Variants in ERC1 observed in about 807,000 individuals in gnomAD.
The protein encoded by ERC1 is RAB6 interacting protein 2.
In ERC1, 56 loss-of-function variants were observed where a neutral mutation model predicts 132.0. That is an observed-to-expected ratio of 0.42 (90% CI 0.34 to 0.53). The LOEUF is 0.53. ERC1 is among the 20% of genes least tolerant of loss of function. The pLI, the probability that ERC1 is intolerant of heterozygous loss-of-function variation, is 0.03. For synonymous variants in ERC1, 478 were observed against 476.1 expected (o/e 1.00, Z -0.05); for missense variants, 1,202 against 1,349.9 (o/e 0.89, Z 1.72).
intron 14 of ERC1, among the ~76,000 whole-genome samples, chr12:1,289,499 A>G (rs558077451): frequency 1.4e-4 from 22 of 151,988 alleles, no homozygotes; most frequent in Non-Finnish European, 2.9e-4. Context: ...ATATTTTTTT[A>G]TATTTGTATT....
intron 15 of ERC1, among the ~76,000 whole-genome samples, chr12:1,362,360 G>A (rs1008030699): frequency 4.6e-5 from 7 of 152,058 alleles, no homozygotes; most frequent in African/African-American, 1.4e-4. Context: ...CTGTCCATCC[G>A]ATCTTGGCAC....
rs61758141 is a variant in ERC1, at chr12:1,183,381, A to G, written c.2117A>G (p.Lys706Arg). Residue 706 changes from lysine to arginine, a missense_variant, in exon 11 of 19, where the codon AAG becomes AGG. Transcript: ENST00000360905. ...LKTLEIALEQ[K>R]KEECLKMESQ... Reference sequence around the variant, plus strand: ...ACACTAGAGATTGCTTTGGAGCAGAAGAAGGAGGAGTGTCTGAAAATGGAA... The same window carrying G: ...ACACTAGAGATTGCTTTGGAGCAGAGGAAGGAGGAGTGTCTGAAAATGGAA... The G allele has an allele frequency of 6.3e-7, 1 of 1,591,314 alleles. No individual in the cohort carries two copies. The highest frequency in any genetic ancestry group is 2.2e-5 in the East Asian group (1 of 44,596).
rs141015575 is a variant in ERC1, at chr12:1,479,161, A to G, written c.3214-10932A>G. ...TGGTCTGTGTGTCTGCTCTCGTGCC[A>G]GTGCTATGTGTGTGCATTGCTGCCG... On this transcript the variant is annotated intron_variant, in intron 18 of 18. Transcript: ENST00000360905. Among the ~76,000 whole-genome samples the G allele has an allele frequency of 2.9e-3, 436 of 152,086 alleles. 3 individuals are homozygous for G. Among genetic ancestry groups the G allele is most frequent in the African/African-American group, 0.01 (423 of 41,506 alleles).
chr12:1,339,266 G>A lies in ERC1; in HGVS notation c.2781-32567G>A, dbSNP rs576603943. 2.1e-5 allele frequency among the ~76,000 whole-genome samples: 3 copies of A among 143,758 alleles called. No individual in the cohort carries two copies. The South Asian group carries it at 6.8e-4, about 32-fold the overall frequency. 94.3% of individuals were successfully genotyped at this position (143,758 alleles called of 152,430 possible). On this transcript the variant is annotated intron_variant, in intron 15 of 18. Transcript: ENST00000360905. ...GTGACAGGGTGCTAGCAGGTGCCAG[G>A]GTGCCTGCCCCCATGTAGGCATTCA...
chr12:1,485,195 A>AATTATTAATGAAATTGGGTAT (rs2094185836), intron 18 of ERC1, among the ~76,000 whole-genome samples: 1 of 116,382 alleles, frequency 8.6e-6, no homozygotes, highest in Non-Finnish European at 1.7e-5. Flanking sequence ...GGTCAAGTTT[A>AATTATTAATGAAATTGGGTAT]TATTTCTTTT....
intron 15 of ERC1, among the ~76,000 whole-genome samples, chr12:1,324,253 C>T (rs1311928020): frequency 1.3e-5 from 2 of 152,148 alleles, no homozygotes; most frequent in African/African-American, 4.8e-5. Flanking sequence ...TTAGTCTTCT[C>T]TCGTCATTGG....
chr12:994,864 A>G (rs866185549), intron 1 of ERC1, among the ~76,000 whole-genome samples: 50 of 152,180 alleles, frequency 3.3e-4, no homozygotes, highest in African/African-American at 1.1e-3. Flanking sequence ...TGGGAGGCCA[A>G]GGCGGGCGGA....
At chr12:1,151,616 C>T (rs958015769) in intron 8 of ERC1, among the ~76,000 whole-genome samples, 7 of 152,212 alleles carry the variant, frequency 4.6e-5, no homozygotes, top group Non-Finnish European at 1.0e-4. Context: ...AGGAAACCAT[C>T]CTTTGAGCCA....
At chr12:1,312,857 C>T (rs766764770) in intron 15 of ERC1, among the ~76,000 whole-genome samples, 6 of 152,082 alleles carry the variant, frequency 3.9e-5, no homozygotes, top group Non-Finnish European at 7.3e-5. Context: ...TCTGTCTCTC[C>T]TGCAGCCACT....
intron 12 of ERC1, among the ~76,000 whole-genome samples, chr12:1,196,951 CACACACACACAT>C (rs1453235974): frequency 0.011 from 408 of 35,538 alleles, 20 homozygotes; most frequent in African/African-American, 0.023. Flanking sequence ...CACACACACA[CACACACACACAT>C]ATATATATAT....
chr12:1,180,961 G>A (rs1048937388), intron 9 of ERC1, among the ~76,000 whole-genome samples: 1 of 151,968 alleles, frequency 6.6e-6, no homozygotes, highest in Non-Finnish European at 1.5e-5. Flanking sequence ...ACAAGCATGA[G>A]CCACCATGCC....
At chr12:1,345,537 A>G (rs2084371110) in intron 15 of ERC1, among the ~76,000 whole-genome samples, 1 of 152,162 alleles carries the variant, frequency 6.6e-6, no homozygotes, top group South Asian at 2.1e-4. Flanking sequence ...CAAGTTTAAG[A>G]AAAGAGATAG....
chr12:1,388,429 T>C (rs1488534717), intron 16 of ERC1, among the ~76,000 whole-genome samples: 1 of 151,096 alleles, frequency 6.6e-6, no homozygotes, highest in Non-Finnish European at 1.5e-5. Context: ...GTGGCCAGGG[T>C]TGCTGAAGCA....
chr12:1,031,981 T>C (rs1053839087), intron 2 of ERC1, among the ~76,000 whole-genome samples: 2 of 152,120 alleles, frequency 1.3e-5, no homozygotes, highest in Non-Finnish European at 2.9e-5. Context: ...TCGAACAAGC[T>C]TCTCTGGTGG....
At chr12:1,422,279 A>T in intron 17 of ERC1, among the ~76,000 whole-genome samples, 1 of 152,368 alleles carries the variant, frequency 6.6e-6, no homozygotes, top group Non-Finnish European at 1.5e-5. Flanking sequence ...GAGTCAGGTT[A>T]GATTTTTCTC....
chr12:1,099,593 A>G, intron 3 of ERC1, among the ~76,000 whole-genome samples: 1 of 152,200 alleles, frequency 6.6e-6, no homozygotes, highest in Admixed American at 6.5e-5. Context: ...GTTACTTAAA[A>G]AGTATTTTCA....
chr12:1,350,267 G>A lies in ERC1; in HGVS notation c.2781-21566G>A, dbSNP rs572619348. On this transcript the variant is annotated intron_variant, in intron 15 of 18. Coordinates refer to ENST00000360905, the MANE Select transcript of ERC1 (RefSeq NM_178040.4). ...TTAAAAGAACAGGCCTGGGGCAGGC[G>A]GAGGCCAGCACTGAGACACAGTGGT... Among the ~76,000 whole-genome samples the A allele has an allele frequency of 5.2e-4, 79 of 152,292 alleles. 1 individual carries two copies. The highest frequency in any genetic ancestry group is 2.9e-3 in the South Asian group (14 of 4,820).
At chr12:1,235,208 A>G (rs186197528) in intron 12 of ERC1, among the ~76,000 whole-genome samples, 20 of 152,246 alleles carry the variant, frequency 1.3e-4, no homozygotes, top group African/African-American at 3.6e-4. Context: ...CTCTACTACA[A>G]ATTAGCTGGG....
At chr12:1,026,779 T>C (rs1313097669) in intron 1 of ERC1, among the ~76,000 whole-genome samples, 1 of 152,256 alleles carries the variant, frequency 6.6e-6, no homozygotes, top group Non-Finnish European at 1.5e-5. Flanking sequence ...TTGTAATTTA[T>C]GTTGCTGTTG....
Sources: allele counts gnomAD v4.1 joint callset (sites outside exome capture counted in the v4.1 genomes callset), GRCh38; gene constraint gnomAD v4.1.1; transcripts MANE v1.5; gene names NCBI Gene and HGNC (gene_info 2026-07-23, HGNC 2026-07-21).